Variants in RERE observed in about 807,000 individuals in gnomAD.
RERE encodes the protein arginine-glutamic acid dipeptide repeats.
RERE carries 40 observed loss-of-function variants against 146.1 expected under a neutral mutation model. The observed-to-expected ratio is 0.27, with a 90% CI of 0.21 to 0.36. RERE has a LOEUF of 0.36. RERE is among the 10% of genes least tolerant of loss of function. RERE has a pLI of 1.00. For synonymous variants in RERE, 1,003 were observed against 866.0 expected (o/e 1.16, Z -2.78); for missense variants, 1,933 against 2,138.7 (o/e 0.90, Z 1.90).
At chr1:8,556,762 T>G (rs932495317) in intron 5 of RERE, among the ~76,000 whole-genome samples, 191 bp from the exon 6 acceptor site, 1 of 152,218 alleles carries the variant, frequency 6.6e-6, no homozygotes, top group Non-Finnish European at 1.5e-5. Flanking sequence ...ACAGTTTTTG[T>G]CAACAAAGTA....
intron 4 of RERE, among the ~76,000 whole-genome samples, chr1:8,582,340 A>G (rs2124064002): frequency 6.6e-6 from 1 of 150,690 alleles, no homozygotes; most frequent in East Asian, 1.9e-4. Flanking sequence ...CCAAGTATTA[A>G]TGACTGGGAC....
At chr1:8,371,341 G>A (rs1642027925) in intron 12 of RERE, among the ~76,000 whole-genome samples, 4 of 152,128 alleles carry the variant, frequency 2.6e-5, no homozygotes, top group Admixed American at 2.6e-4. Context: ...GTCTTTCCAG[G>A]CTATACACTA....
chr1:8,591,912 C>T (rs1646499571), intron 4 of RERE, among the ~76,000 whole-genome samples: 1 of 152,162 alleles, frequency 6.6e-6, no homozygotes, highest in South Asian at 2.1e-4. Context: ...ATGCTGCTAC[C>T]ATTCATTTAA....
intron 1 of RERE, among the ~76,000 whole-genome samples, chr1:8,724,849 T>A (rs1472808006): frequency 2.8e-5 from 4 of 144,534 alleles, no homozygotes; most frequent in African/African-American, 7.7e-5. Context: ...AAAAAAAAAA[T>A]TTACCTTTTA....
chr1:8,817,099 A>G (rs1418670392), intron 1 of RERE, 61 bp downstream of exon 1: 1 of 152,142 alleles, frequency 6.6e-6, no homozygotes. Context: ...CTCTCTGACC[A>G]CCAGGACGAG....
At chr1:8,436,162 T>C (rs1644167508) in intron 11 of RERE, among the ~76,000 whole-genome samples, 1 of 151,862 alleles carries the variant, frequency 6.6e-6, no homozygotes, top group East Asian at 1.9e-4. Context: ...CTACTAAAAA[T>C]ACAAAAATTA....
chr1:8,673,298 G>A (rs751521407), intron 1 of RERE, among the ~76,000 whole-genome samples: 20 of 152,074 alleles, frequency 1.3e-4, no homozygotes, highest in African/African-American at 2.2e-4. Context: ...GTTTCACCAC[G>A]TTGGCCAGGC....
At position 8,774,109 on chromosome 1, in the gene RERE, G is replaced by A. The variant is rs570906328; in HGVS notation, c.-145+43051C>T. Among the ~76,000 whole-genome samples, 392 of 152,090 alleles carry A rather than the reference G, an allele frequency of 2.6e-3. 3 individuals are homozygous for A. The highest frequency in any genetic ancestry group is 8.8e-3 in the African/African-American group (367 of 41,472). On this transcript the variant is annotated intron_variant, in intron 1 of 22. Transcript: ENST00000400908. ...GTCCTCTCTCCACGAATCCACACAC[G>A]CAGCCAAACTTGCTCTACCTCTAAA...
chr1:8,749,188 G>A (rs1260195785), intron 1 of RERE, among the ~76,000 whole-genome samples: 1 of 152,170 alleles, frequency 6.6e-6, no homozygotes. Flanking sequence ...AGAGGTGCCA[G>A]CGCTCCTAAC....
At chr1:8,807,958 C>G (rs1376284448) in intron 1 of RERE, among the ~76,000 whole-genome samples, 3 of 152,006 alleles carry the variant, frequency 2.0e-5, no homozygotes, top group Non-Finnish European at 2.9e-5. Flanking sequence ...TTCTAATTTC[C>G]TACTTGCCAT....
intron 11 of RERE, among the ~76,000 whole-genome samples, chr1:8,452,728 T>A (rs1644403425): frequency 6.6e-6 from 1 of 152,194 alleles, no homozygotes; most frequent in Non-Finnish European, 1.5e-5. Context: ...GCAGTAGAAT[T>A]AAATTCAGTA....
intron 1 of RERE, among the ~76,000 whole-genome samples, chr1:8,667,526 AAT>A (rs1307623213): frequency 6.6e-6 from 1 of 152,134 alleles, no homozygotes; most frequent in East Asian, 1.9e-4. Context: ...AAATACAAAA[AAT>A]TAGCTGGGCA....
At chr1:8,438,678 T>A (rs939295641) in intron 11 of RERE, among the ~76,000 whole-genome samples, 3 of 152,056 alleles carry the variant, frequency 2.0e-5, no homozygotes, top group African/African-American at 7.3e-5. Flanking sequence ...CCATGAACAC[T>A]CTCTGCGCCT....
chr1:8,763,007 A>T (rs1170985784), intron 1 of RERE, among the ~76,000 whole-genome samples: 1 of 152,206 alleles, frequency 6.6e-6, no homozygotes, highest in Non-Finnish European at 1.5e-5. Context: ...AGACTAAAAG[A>T]AGTTAGGGTC....
chr1:8,465,054 T>C (rs1570281681), intron 11 of RERE: 2 of 152,396 alleles, frequency 1.3e-5, no homozygotes, highest in East Asian at 3.9e-4. Flanking sequence ...CCAGCCTTCA[T>C]TTAAATTTCA....
At chr1:8,437,119 G>A (rs77829463) in intron 11 of RERE, among the ~76,000 whole-genome samples, 2,157 of 152,178 alleles carry the variant, frequency 0.014, 61 homozygotes, top group African/African-American at 0.05. Context: ...AGAAGAATTC[G>A]ACCAAATGCC....
At chr1:8,532,352 C>T (rs1411365008) in intron 7 of RERE, among the ~76,000 whole-genome samples, 3 of 144,494 alleles carry the variant, frequency 2.1e-5, no homozygotes, top group African/African-American at 7.6e-5. Flanking sequence ...TCTCTGTTCT[C>T]TGGAACACTG....
intron 1 of RERE, among the ~76,000 whole-genome samples, chr1:8,690,170 A>C (rs771784235): frequency 4.7e-4 from 72 of 152,224 alleles, no homozygotes; most frequent in Non-Finnish European, 9.1e-4. Flanking sequence ...TCCAAGATCA[A>C]GGTGCCAGCA....
At chr1:8,733,295 G>C (rs901962526) in intron 1 of RERE, among the ~76,000 whole-genome samples, 1 of 152,178 alleles carries the variant, frequency 6.6e-6, no homozygotes, top group African/African-American at 2.4e-5. Context: ...TGGTTCAAGA[G>C]CCACATCTTG....
Sources: allele counts gnomAD v4.1 joint callset (sites outside exome capture counted in the v4.1 genomes callset), GRCh38; gene constraint gnomAD v4.1.1; transcripts MANE v1.5; gene names NCBI Gene and HGNC (gene_info 2026-07-23, HGNC 2026-07-21).